Variants in PCDH11X observed in about 807,000 individuals in gnomAD.
PCDH11X encodes the protein protocadherin 11 X-linked.
PCDH11X carries 18 observed loss-of-function variants against 53.3 expected under a neutral mutation model. The observed-to-expected ratio is 0.34, with a 90% confidence interval of 0.23 to 0.50. The LOEUF is 0.50. Among genes scored for constraint, PCDH11X ranks in the 20% least tolerant of loss-of-function variants. The pLI is 0.98. For synonymous variants in PCDH11X, 279 were observed against 393.3 expected, an observed-to-expected ratio of 0.71 and a Z score of 3.44; for missense variants, 570 against 1,032.4, an observed-to-expected ratio of 0.55 and a Z score of 6.14.
intron 6 of PCDH11X, among the ~76,000 whole-genome samples, chrX:91,887,983 C>T (rs1940309833): frequency 1.8e-5 from 2 of 111,539 alleles, no homozygotes; most frequent in South Asian, 3.7e-4. Flanking sequence ...CAAAAGTTCC[C>T]TTAGAACAAC....
chrX:92,603,114 G>A (rs1926414151), intron 10 of PCDH11X, among the ~76,000 whole-genome samples: 1 of 106,513 alleles, frequency 9.4e-6, no homozygotes, highest in Admixed American at 1.0e-4. Flanking sequence ...GAGTTGAAAA[G>A]TACAGTTATC....
chrX:92,141,248 A>T (rs942596577), intron 6 of PCDH11X, among the ~76,000 whole-genome samples: 66 of 111,901 alleles, frequency 5.9e-4, no homozygotes, highest in African/African-American at 2.1e-3. Flanking sequence ...TATAGTTTTT[A>T]AAAATTCTAT....
chrX:91,907,859 C>A (rs12007653), intron 6 of PCDH11X, among the ~76,000 whole-genome samples: 8,151 of 111,234 alleles, frequency 0.073, 274 homozygotes, highest in African/African-American at 0.12. Context: ...ATTTAGCTCC[C>A]TCTTATTAGT....
chrX:91,830,099 A>C (rs915142244), intron 4 of PCDH11X, among the ~76,000 whole-genome samples: 1 of 111,549 alleles, frequency 9.0e-6, no homozygotes, highest in Non-Finnish European at 1.9e-5. Flanking sequence ...TAAATCATAT[A>C]TCAAAAATCC....
At chrX:91,783,202 C>A (rs943728701) in intron 1 of PCDH11X, among the ~76,000 whole-genome samples, 3 of 111,540 alleles carry the variant, frequency 2.7e-5, no homozygotes, top group Non-Finnish European at 5.6e-5. Flanking sequence ...TAGCTGGCAG[C>A]AAACTTAAAG....
chrX:92,257,896 G>T (rs1203560609), intron 7 of PCDH11X, among the ~76,000 whole-genome samples: 1 of 111,915 alleles, frequency 8.9e-6, no homozygotes, highest in Non-Finnish European at 1.9e-5. Context: ...GAGGATCATG[G>T]CTTTCTTCTT....
intron 6 of PCDH11X, among the ~76,000 whole-genome samples, chrX:92,112,281 G>T (rs1240231841): frequency 1.9e-5 from 2 of 105,913 alleles, no homozygotes; most frequent in African/African-American, 3.4e-5. Context: ...CAGGCTCATA[G>T]ATTTGAGAGA....
At chrX:92,369,662 C>T (rs1450149895) in intron 8 of PCDH11X, among the ~76,000 whole-genome samples, 1 of 111,502 alleles carries the variant, frequency 9.0e-6, no homozygotes, top group Non-Finnish European at 1.9e-5. Context: ...AGGGAATCTC[C>T]CGATCTGCAG....
intron 6 of PCDH11X, among the ~76,000 whole-genome samples, chrX:91,931,576 A>T (rs1370145140): frequency 1.8e-4 from 20 of 111,083 alleles, no homozygotes; most frequent in African/African-American, 6.2e-4. Flanking sequence ...GTGAATTCTA[A>T]GTCCACTTCT....
intron 7 of PCDH11X, among the ~76,000 whole-genome samples, chrX:92,249,913 C>T (rs1346018907): frequency 9.0e-6 from 1 of 111,402 alleles, no homozygotes; most frequent in African/African-American, 3.3e-5. Context: ...TATCATCGTC[C>T]CATGATATTG....
chrX:92,131,614 G>A (rs752557697), intron 6 of PCDH11X, among the ~76,000 whole-genome samples: 1 of 111,793 alleles, frequency 8.9e-6, no homozygotes, highest in South Asian at 3.7e-4. Context: ...TAAGCTATAT[G>A]TCTACCTGTA....
intron 6 of PCDH11X, among the ~76,000 whole-genome samples, chrX:92,037,190 C>T (rs1172403065): frequency 1.8e-5 from 2 of 110,573 alleles, no homozygotes; most frequent in African/African-American, 6.6e-5. Flanking sequence ...GCTATTTGTC[C>T]TGATGCTGTC....
intron 6 of PCDH11X, among the ~76,000 whole-genome samples, chrX:91,926,492 G>T (rs1331980814): frequency 2.7e-5 from 3 of 111,081 alleles, no homozygotes; most frequent in Non-Finnish European, 3.8e-5. Flanking sequence ...TTTGATGAGG[G>T]TGCTATTTTA....
At chrX:92,263,227 TA>T in intron 8 of PCDH11X, 84 bp downstream of exon 8, 1 of 799,538 alleles carries the variant, frequency 1.3e-6, no homozygotes, top group Admixed American at 3.1e-5. Flanking sequence ...TCCATGGAGT[TA>T]AAACTGTAAG....
At chrX:92,362,372 ATTATTAG>A (rs1260106831) in intron 8 of PCDH11X, among the ~76,000 whole-genome samples, 1 of 66,205 alleles carries the variant, frequency 1.5e-5, no homozygotes, top group African/African-American at 5.7e-5. Flanking sequence ...TTTTTCCCTA[ATTATTAG>A]TTATGCTGAG....
intron 6 of PCDH11X, among the ~76,000 whole-genome samples, chrX:92,069,951 G>A (rs1343320406): frequency 9.0e-6 from 1 of 111,147 alleles, no homozygotes; most frequent in Non-Finnish European, 1.9e-5. Flanking sequence ...CAAAGCGCTA[G>A]CCAGGATTAC....
chrX:91,863,576 A>C (rs1938803921), intron 5 of PCDH11X, among the ~76,000 whole-genome samples: 1 of 111,581 alleles, frequency 9.0e-6, no homozygotes, highest in Non-Finnish European at 1.9e-5. Flanking sequence ...TTTTAATTGA[A>C]GATGTTATTT....
chrX:92,136,718 A>G (rs1603024686), intron 6 of PCDH11X, among the ~76,000 whole-genome samples: 1 of 108,512 alleles, frequency 9.2e-6, no homozygotes, highest in South Asian at 4.1e-4. Flanking sequence ...TGTTGTAGAT[A>G]GAGCCTTGCA....
At chrX:92,499,025 G>A (rs1603348635) in intron 10 of PCDH11X, among the ~76,000 whole-genome samples, 1 of 84,513 alleles carries the variant, frequency 1.2e-5, no homozygotes, top group Non-Finnish European at 2.3e-5. Flanking sequence ...ATTTAAAAGT[G>A]TCCTAAAAAG....
Sources: allele counts gnomAD v4.1 joint callset (sites outside exome capture counted in the v4.1 genomes callset), GRCh38; gene constraint gnomAD v4.1.1; transcripts MANE v1.5; gene names NCBI Gene and HGNC (gene_info 2026-07-23, HGNC 2026-07-21).